GOLIM4: variants seen among roughly 807,000 people sequenced by gnomAD.
The protein encoded by GOLIM4 is golgi integral membrane protein 4, also known as 130 kDa golgi-localized phosphoprotein.
Under a neutral mutation model 107.4 loss-of-function variants are expected in GOLIM4, and 71 were observed. The ratio of observed to expected loss-of-function variants is 0.66; its 90% CI spans 0.55 to 0.81. The LOEUF (loss-of-function observed/expected upper bound fraction) is 0.81. Ranked by LOEUF, GOLIM4 falls within the 30% of genes least tolerant of loss-of-function variation. The pLI is 0.00. For synonymous variants in GOLIM4, 327 were observed against 294.8 expected (o/e 1.11, Z -1.12); for missense variants, 830 against 826.1 (o/e 1.00, Z -0.06).
chr3:168,027,040 A>G (rs1387441507), intron 12 of GOLIM4, among the ~76,000 whole-genome samples: 3 of 152,256 alleles, frequency 2.0e-5, no homozygotes, highest in Admixed American at 2.0e-4. Flanking sequence ...ACGCAGGAAC[A>G]GACTCACTAA....
At chr3:168,046,371 G>A (rs916731074) in intron 3 of GOLIM4, among the ~76,000 whole-genome samples, 1 of 151,998 alleles carries the variant, frequency 6.6e-6, no homozygotes, top group Non-Finnish European at 1.5e-5. Flanking sequence ...CAGGGTCATA[G>A]GACAATAGTG....
At chr3:168,068,772 A>G (rs1354881208) in intron 1 of GOLIM4, among the ~76,000 whole-genome samples, 2 of 151,946 alleles carry the variant, frequency 1.3e-5, no homozygotes, top group Non-Finnish European at 2.9e-5. Context: ...TTCCTTTGTC[A>G]ATTGTGAATG....
At chr3:168,069,182 T>C (rs931628045) in intron 1 of GOLIM4, among the ~76,000 whole-genome samples, 2 of 152,196 alleles carry the variant, frequency 1.3e-5, no homozygotes, top group African/African-American at 4.8e-5. Context: ...TTATATCATA[T>C]CAATTAATAT....
intron 7 of GOLIM4, among the ~76,000 whole-genome samples, chr3:168,037,306 C>T (rs1210229967): frequency 2.0e-5 from 3 of 152,072 alleles, no homozygotes; most frequent in Non-Finnish European, 4.4e-5. Flanking sequence ...AAAGACCGTT[C>T]TGTGATGTTT....
At chr3:168,069,478 T>C (rs566628459) in intron 1 of GOLIM4, among the ~76,000 whole-genome samples, 1 of 152,364 alleles carries the variant, frequency 6.6e-6, no homozygotes, top group South Asian at 2.1e-4. Flanking sequence ...GAAGTTTCTT[T>C]AATTGATTTT....
At chr3:168,028,027 G>A (rs1469602661) in intron 11 of GOLIM4, among the ~76,000 whole-genome samples, 190 bp from the exon 12 acceptor site, 2 of 152,186 alleles carry the variant, frequency 1.3e-5, no homozygotes, top group East Asian at 3.8e-4. Flanking sequence ...TGTGTCTAGA[G>A]AGATGATATG....
At chr3:168,064,755 G>T (rs1720455439) in intron 1 of GOLIM4, among the ~76,000 whole-genome samples, 1 of 151,832 alleles carries the variant, frequency 6.6e-6, no homozygotes, top group Admixed American at 6.6e-5. Context: ...TTTTAAAGAA[G>T]CACAGTAAAA....
chr3:168,054,730 C>T (rs754459500), intron 1 of GOLIM4, among the ~76,000 whole-genome samples: 16 of 151,972 alleles, frequency 1.1e-4, no homozygotes, highest in African/African-American at 3.4e-4. Context: ...CGATTGAGGG[C>T]GAGAATTTCT....
At chr3:168,039,483 C>G (rs2108241296) in intron 7 of GOLIM4, among the ~76,000 whole-genome samples, 1 of 152,116 alleles carries the variant, frequency 6.6e-6, no homozygotes, top group East Asian at 1.9e-4. Flanking sequence ...AGGCTGGTCT[C>G]AAACTCCTGA....
chr3:168,039,698 T>A (rs1718869267), intron 7 of GOLIM4, among the ~76,000 whole-genome samples: 1 of 152,196 alleles, frequency 6.6e-6, no homozygotes. Context: ...AGTCTTACAT[T>A]TATGGCCGTT....
At chr3:168,013,566 C>T (rs924343497) in intron 14 of GOLIM4, among the ~76,000 whole-genome samples, 13 of 143,140 alleles carry the variant, frequency 9.1e-5, no homozygotes, top group South Asian at 8.4e-4. Context: ...GAACTCTCCA[C>T]CCCAAATCAA....
chr3:168,048,992 G>T (rs1319386413), intron 1 of GOLIM4, among the ~76,000 whole-genome samples: 2 of 152,060 alleles, frequency 1.3e-5, no homozygotes, highest in African/African-American at 4.8e-5. Context: ...TTTATAAAAG[G>T]GTCCACAAAA....
chr3:168,028,494 T>A (rs77648844), intron 11 of GOLIM4, among the ~76,000 whole-genome samples: 5,236 of 152,298 alleles, frequency 0.034, 288 homozygotes, highest in African/African-American at 0.12. Context: ...TGGAGTGTAC[T>A]AAGCCTAGAG....
chr3:168,047,397 C>T (rs547690387), intron 2 of GOLIM4, among the ~76,000 whole-genome samples: 29 of 152,270 alleles, frequency 1.9e-4, no homozygotes, highest in African/African-American at 6.7e-4. Context: ...ATCAAGCCAG[C>T]CAAGCCATCT....
intron 1 of GOLIM4, among the ~76,000 whole-genome samples, chr3:168,068,204 CAT>C (rs1421214445): frequency 6.6e-6 from 1 of 151,990 alleles, no homozygotes; most frequent in African/African-American, 2.4e-5. Flanking sequence ...TTCAACAAAA[CAT>C]AGATTAGTAA....
chr3:168,029,335 G>A, intron 10 of GOLIM4, 33 bp from the exon 11 acceptor site: 2 of 1,391,328 alleles, frequency 1.4e-6, no homozygotes, highest in Non-Finnish European at 2.0e-6. Context: ...AAATCCAGTG[G>A]GACAAAATTC....
At chr3:168,075,479 T>C (rs1221721755) in intron 1 of GOLIM4, among the ~76,000 whole-genome samples, 1 of 151,606 alleles carries the variant, frequency 6.6e-6, no homozygotes, top group African/African-American at 2.4e-5. Context: ...TTTGTATTTT[T>C]AGTAGAGACG....
chr3:168,074,964 G>C (rs115621409), intron 1 of GOLIM4, among the ~76,000 whole-genome samples: 2,591 of 152,230 alleles, frequency 0.017, 74 homozygotes, highest in African/African-American at 0.059. Flanking sequence ...GAAATAATTT[G>C]TAGGTGTTAT....
intron 11 of GOLIM4, among the ~76,000 whole-genome samples, chr3:168,028,705 T>C: frequency 6.6e-6 from 1 of 152,236 alleles, no homozygotes; most frequent in East Asian, 1.9e-4. Context: ...AGGGAGGTTG[T>C]ATGTAATCAC....
Sources: gnomAD v4.1 joint callset for allele counts (sites outside exome capture counted in the v4.1 genomes callset) on GRCh38, gnomAD v4.1.1 for gene constraint, MANE v1.5 for transcripts, NCBI Gene and HGNC (gene_info 2026-07-23, HGNC 2026-07-21) for gene names.